Variants in RNLS observed in about 807,000 individuals in gnomAD.
RNLS encodes renalase, FAD dependent amine oxidase.
RNLS carries 39 observed loss-of-function variants against 39.8 expected under a neutral mutation model. The ratio of observed to expected loss-of-function variants is 0.98; its 90% CI spans 0.76 to 1.28. The LOEUF (loss-of-function observed/expected upper bound fraction) is 1.28, where lower values mean the gene tolerates loss of function less well. Ranked by LOEUF, RNLS falls within the 50% of genes most tolerant of loss-of-function variation. RNLS has a pLI of 0.00. For synonymous variants in RNLS, 147 were observed against 150.7 expected (o/e 0.98, Z 0.18); for missense variants, 410 against 413.3 (o/e 0.99, Z 0.07).
chr10:88,275,515 A>C (rs907912454), intron 6 of RNLS, among the ~76,000 whole-genome samples: 2 of 152,200 alleles, frequency 1.3e-5, no homozygotes, highest in Admixed American at 1.3e-4. Context: ...GATGTCTATC[A>C]GTAGGGAAAT....
At chr10:88,400,195 G>A (rs542252382) in intron 4 of RNLS, among the ~76,000 whole-genome samples, 11 of 151,984 alleles carry the variant, frequency 7.2e-5, no homozygotes, top group Non-Finnish European at 1.3e-4. Flanking sequence ...ACAAGTTCCA[G>A]AGAATAGAAT....
chr10:88,214,273 G>T, the RNLS span, among the ~76,000 whole-genome samples: 1 of 152,094 alleles, frequency 6.6e-6, no homozygotes, highest in East Asian at 1.9e-4. Flanking sequence ...CTGAGTCAGG[G>T]CAGGGAAGTC....
intron 4 of RNLS, among the ~76,000 whole-genome samples, chr10:88,392,181 G>A (rs1456892087): frequency 6.6e-6 from 1 of 152,200 alleles, no homozygotes; most frequent in Admixed American, 6.5e-5. Context: ...GTTGCCTGAG[G>A]CAGTACATAA....
chr10:88,352,267 T>C, intron 5 of RNLS, among the ~76,000 whole-genome samples: 1 of 152,214 alleles, frequency 6.6e-6, no homozygotes, highest in East Asian at 1.9e-4. Flanking sequence ...AGGGCATCCC[T>C]GTCTTGTGCC....
chr10:88,238,004 G>T, the RNLS span, among the ~76,000 whole-genome samples: 1 of 152,078 alleles, frequency 6.6e-6, no homozygotes, highest in Non-Finnish European at 1.5e-5. Flanking sequence ...TTTATTTTAG[G>T]TAACTCATTT....
the RNLS span, among the ~76,000 whole-genome samples, chr10:88,261,024 T>G: frequency 1.3e-5 from 2 of 152,176 alleles, no homozygotes; most frequent in African/African-American, 2.4e-5. Context: ...ATTAACAGAC[T>G]TGAGAAGAAG....
chr10:88,547,907 G>C (rs949113423), intron 4 of RNLS, among the ~76,000 whole-genome samples: 1 of 151,974 alleles, frequency 6.6e-6, no homozygotes, highest in African/African-American at 2.4e-5. Context: ...ATTATTATTT[G>C]TCAATTAAAA....
intron 4 of RNLS, among the ~76,000 whole-genome samples, chr10:88,561,103 C>T (rs1056122716): frequency 3.9e-5 from 6 of 152,060 alleles, no homozygotes; most frequent in African/African-American, 1.4e-4. Flanking sequence ...AACATAAATA[C>T]AGCGAGTCTT....
chr10:88,539,454 C>A (rs565219596), intron 4 of RNLS, among the ~76,000 whole-genome samples: 1 of 152,170 alleles, frequency 6.6e-6, no homozygotes, highest in South Asian at 2.1e-4. Context: ...GAACAGAACC[C>A]AGATACTTGG....
intron 4 of RNLS, among the ~76,000 whole-genome samples, chr10:88,383,715 AG>A (rs1341402778): frequency 1.3e-5 from 2 of 152,224 alleles, no homozygotes; most frequent in Non-Finnish European, 2.9e-5. Flanking sequence ...GCAAATACCA[AG>A]AGAAGAATCT....
At position 88,429,089 on chromosome 10, in the gene RNLS, C is replaced by A. The variant is rs531288594; in HGVS notation, c.527-66364G>T. Among the ~76,000 whole-genome samples the A allele has an allele frequency of 7.1e-4, 108 of 151,840 alleles. 1 individual carries two copies. The South Asian group carries it at 8.5e-3, about 12-fold the overall frequency. ...AGAAGCTTTAAAAAAAATCAGGGAC[C>A]AATTCACCATTCTGTAAAGAGAGGC... On this transcript the variant is annotated intron_variant, in intron 4 of 6. Transcript: ENST00000331772.
At chr10:88,482,839 T>C (rs1325180306) in intron 4 of RNLS, among the ~76,000 whole-genome samples, 2 of 152,176 alleles carry the variant, frequency 1.3e-5, no homozygotes, top group Admixed American at 1.3e-4. Context: ...TTTTGTTTAG[T>C]AACCTGCCAG....
the RNLS span, among the ~76,000 whole-genome samples, chr10:88,226,869 T>C: frequency 6.6e-6 from 1 of 151,606 alleles, no homozygotes; most frequent in African/African-American, 2.4e-5. Flanking sequence ...GCAAAATGTC[T>C]TTTTTTTCCT....
intron 6 of RNLS, among the ~76,000 whole-genome samples, chr10:88,313,430 T>A (rs1470593317): frequency 6.6e-6 from 1 of 152,212 alleles, no homozygotes; most frequent in Non-Finnish European, 1.5e-5. Context: ...GATTTTTCAA[T>A]GCTTTTAAAA....
At chr10:88,239,834 C>G in the RNLS span, among the ~76,000 whole-genome samples, 1 of 152,220 alleles carries the variant, frequency 6.6e-6, no homozygotes, top group Non-Finnish European at 1.5e-5. Context: ...TGAGGGCAAA[C>G]TGGAGAAAGT....
intron 4 of RNLS, among the ~76,000 whole-genome samples, chr10:88,487,727 A>G (rs1844618918): frequency 6.7e-6 from 1 of 150,266 alleles, no homozygotes; most frequent in Non-Finnish European, 1.5e-5. Flanking sequence ...ATTTCAGTCC[A>G]AGGTATTTAC....
At chr10:88,352,166 C>G (rs1292153022) in intron 5 of RNLS, among the ~76,000 whole-genome samples, 3 of 152,152 alleles carry the variant, frequency 2.0e-5, no homozygotes, top group Non-Finnish European at 2.9e-5. Context: ...TTGACTTCCT[C>G]TTTTCCTAAT....
At chr10:88,323,154 A>G (rs1846308807) in intron 5 of RNLS, among the ~76,000 whole-genome samples, 2 of 152,202 alleles carry the variant, frequency 1.3e-5, no homozygotes, top group Admixed American at 1.3e-4. Context: ...AAATTGGAAA[A>G]CATCCCATGC....
At chr10:88,468,443 C>A (rs1417844405) in intron 4 of RNLS, among the ~76,000 whole-genome samples, 1 of 152,116 alleles carries the variant, frequency 6.6e-6, no homozygotes, top group Non-Finnish European at 1.5e-5. Context: ...ATGTTGACAA[C>A]TAGTCAACAT....
Sources: allele counts gnomAD v4.1 joint callset (sites outside exome capture counted in the v4.1 genomes callset), GRCh38; gene constraint gnomAD v4.1.1; transcripts MANE v1.5; gene names NCBI Gene and HGNC (gene_info 2026-07-23, HGNC 2026-07-21).